PPP4R3B: variants seen among roughly 807,000 people sequenced by gnomAD.
The protein encoded by PPP4R3B is protein phosphatase 4 regulatory subunit 3B.
Under a neutral mutation model 95.4 loss-of-function variants are expected in PPP4R3B, and 52 were observed. The observed-to-expected ratio is 0.54, with a 90% CI of 0.44 to 0.69. The LOEUF (loss-of-function observed/expected upper bound fraction) is 0.69. PPP4R3B is among the 30% of genes least tolerant of loss of function. The pLI is 0.00. For missense variants in PPP4R3B, 1,003 were observed against 1,005.9 expected, an observed-to-expected ratio of 1.00 and a Z score of 0.04; for synonymous variants, 407 against 343.9, an observed-to-expected ratio of 1.18 and a Z score of -2.03.
chr2:55,614,452 T>A (rs1694626329), intron 2 of PPP4R3B: 1 of 152,194 alleles, frequency 6.6e-6, no homozygotes, highest in Non-Finnish European at 1.5e-5. Context: ...CATGAACGAA[T>A]ATTCAAAATG....
chr2:55,587,441 G>A (rs1282854543), intron 5 of PPP4R3B, among the ~76,000 whole-genome samples: 2 of 152,134 alleles, frequency 1.3e-5, no homozygotes, highest in Non-Finnish European at 2.9e-5. Flanking sequence ...AAAATTAGCT[G>A]GGCATGGTGG....
intron 5 of PPP4R3B, among the ~76,000 whole-genome samples, chr2:55,587,885 G>A (rs1214303287): frequency 6.6e-6 from 1 of 151,944 alleles, no homozygotes; most frequent in African/African-American, 2.4e-5. Context: ...ATGACTTAGA[G>A]GTTTTAAATT....
rs1182131930 is a variant in PPP4R3B at position 55,617,557 on chromosome 2, C to G, written c.-272G>C. On this transcript the variant is annotated 5_prime_UTR_variant, in exon 1 of 17. Transcript: ENST00000616407. ...TTGCCCCCCAGGGCTCGCTTGCTCT[C>G]CCGCCGCCGCGGTAACTACTACAGA... is the stretch of plus-strand genomic sequence containing the variant. 5.4e-6 allele frequency: 2 copies of G among 369,824 alleles called. No individual in the cohort carries two copies. Among genetic ancestry groups the G allele is most frequent in the Non-Finnish European group, 9.8e-6 (2 of 203,288 alleles). The allele number at this position is 369,824 out of a possible 1,614,324, so 22.9% of individuals were successfully genotyped here.
At chr2:55,592,362 C>G (rs112060467) in intron 4 of PPP4R3B, among the ~76,000 whole-genome samples, 19 of 152,208 alleles carry the variant, frequency 1.2e-4, no homozygotes, top group African/African-American at 4.6e-4. Flanking sequence ...GACAGGTTTC[C>G]AAGTATTTCA....
At chr2:55,601,525 T>G (rs1692612373) in intron 3 of PPP4R3B, among the ~76,000 whole-genome samples, 1 of 151,896 alleles carries the variant, frequency 6.6e-6, no homozygotes, top group African/African-American at 2.4e-5. Flanking sequence ...GGACTACAGG[T>G]GCCCACCACC....
intron 4 of PPP4R3B, among the ~76,000 whole-genome samples, chr2:55,595,730 A>G (rs1365598846): frequency 2.4e-5 from 3 of 122,890 alleles, no homozygotes; most frequent in Non-Finnish European, 5.5e-5. Flanking sequence ...CTTTAAGCAA[A>G]AGTACATGAA....
At chr2:55,572,624 T>G (rs1241884534) in intron 12 of PPP4R3B, among the ~76,000 whole-genome samples, 1 of 152,202 alleles carries the variant, frequency 6.6e-6, no homozygotes, top group Non-Finnish European at 1.5e-5. Flanking sequence ...ATCTGGCAGC[T>G]ATATGGTAAA....
At chr2:55,576,891 C>A (rs1187803959) in intron 11 of PPP4R3B, among the ~76,000 whole-genome samples, 1 of 152,226 alleles carries the variant, frequency 6.6e-6, no homozygotes, top group Middle Eastern at 3.4e-3. Context: ...GGTAGGTGCA[C>A]ACAGCACATG....
rs1208382697 is a variant in PPP4R3B, at chr2:55,617,322, C to T, written c.-37G>A. ...TCTCCACCGCTCTAGCCGCCGCCTC[C>T]TCGCTTACCTCGTCCGCGCTCCTCA... On this transcript the variant is annotated 5_prime_UTR_variant, in exon 1 of 17. Transcript: ENST00000616407. The T allele has an allele frequency of 6.5e-7, 1 of 1,541,492 alleles. No individual in the cohort carries two copies. The highest frequency in any genetic ancestry group is 1.2e-5 in the South Asian group (1 of 84,270).
chr2:55,556,286 A>G (rs1413694533), intron 16 of PPP4R3B, among the ~76,000 whole-genome samples: 1 of 152,234 alleles, frequency 6.6e-6, no homozygotes, highest in African/African-American at 2.4e-5. Flanking sequence ...AAAAGGATGT[A>G]TAACAGATGT....
chr2:55,580,161 G>A (rs1348518167), intron 8 of PPP4R3B, among the ~76,000 whole-genome samples: 2 of 152,062 alleles, frequency 1.3e-5, no homozygotes, highest in Non-Finnish European at 2.9e-5. Context: ...ACGCAGTGAA[G>A]AACCAATCTA....
At chr2:55,603,138 A>C (rs1402971134) in intron 3 of PPP4R3B, among the ~76,000 whole-genome samples, 2 of 152,116 alleles carry the variant, frequency 1.3e-5, no homozygotes, top group African/African-American at 4.8e-5. Context: ...CTTTGAGTAG[A>C]GATGAGGTTC....
chr2:55,587,005 C>CT (rs1180979076), intron 5 of PPP4R3B, among the ~76,000 whole-genome samples: 1 of 152,120 alleles, frequency 6.6e-6, no homozygotes, highest in African/African-American at 2.4e-5. Flanking sequence ...TCATAAGCTG[C>CT]TTTTTTCCTT....
chr2:55,555,570 C>G (rs1685743974), intron 16 of PPP4R3B, among the ~76,000 whole-genome samples: 1 of 152,068 alleles, frequency 6.6e-6, no homozygotes, highest in African/African-American at 2.4e-5. Flanking sequence ...AAAAATTAGC[C>G]AGGCATGGTG....
chr2:55,594,878 G>C (rs1691548166), intron 4 of PPP4R3B, among the ~76,000 whole-genome samples: 1 of 152,078 alleles, frequency 6.6e-6, no homozygotes, highest in South Asian at 2.1e-4. Context: ...GTGAATAAAT[G>C]ACCTGAAAGA....
At chr2:55,579,931 GA>G (rs1470107191) in intron 8 of PPP4R3B, 150 bp from the exon 9 acceptor site, 3 of 405,168 alleles carry the variant, frequency 7.4e-6, no homozygotes. Context: ...AAAATACTGT[GA>G]AAAAAATCAA....
Position 55,588,859 on chromosome 2 carries a change from G to T in PPP4R3B, c.999+20C>A. ...CCAAAAGAATAAGTGCTCTTTAAGAGTTTGAATTTCATAACTTACCAATTC... is the reference window on the plus strand; with the variant it reads ...CCAAAAGAATAAGTGCTCTTTAAGATTTTGAATTTCATAACTTACCAATTC... On this transcript the variant is annotated intron_variant, in intron 5 of 16. Transcript: ENST00000616407. 10 of 1,557,634 alleles carry T rather than the reference G, an allele frequency of 6.4e-6. No individual in the cohort carries two copies. Among genetic ancestry groups the T allele is most frequent in the Non-Finnish European group, 8.8e-6 (10 of 1,136,788 alleles).
At chr2:55,584,522 A>G (rs1346230813) in intron 7 of PPP4R3B, among the ~76,000 whole-genome samples, 3 of 152,128 alleles carry the variant, frequency 2.0e-5, no homozygotes, top group Non-Finnish European at 4.4e-5. Flanking sequence ...CCAAGTCCCC[A>G]AAGTCCATTG....
intron 4 of PPP4R3B, among the ~76,000 whole-genome samples, chr2:55,595,026 C>CTTT (rs201263689): frequency 1.5e-5 from 2 of 134,522 alleles, no homozygotes; most frequent in African/African-American, 2.7e-5. Context: ...CCCTTTTAAA[C>CTTT]TTTTTTTTTT....
Sources: gnomAD v4.1 joint callset for allele counts (sites outside exome capture counted in the v4.1 genomes callset) on GRCh38, gnomAD v4.1.1 for gene constraint, MANE v1.5 for transcripts, NCBI Gene and HGNC (gene_info 2026-07-23, HGNC 2026-07-21) for gene names.